RARB: variants seen among roughly 807,000 people sequenced by gnomAD.
RARB encodes HBV-activated protein.
In RARB, 17 loss-of-function variants were observed where a neutral mutation model predicts 51.9. That is an observed-to-expected ratio of 0.33 (90% CI 0.22 to 0.49). The LOEUF (loss-of-function observed/expected upper bound fraction) is 0.49, where lower values mean the gene tolerates loss of function less well. Ranked by LOEUF, RARB falls within the 20% of genes least tolerant of loss-of-function variation. RARB has a pLI of 0.99. For missense variants in RARB, 369 were observed against 550.8 expected (o/e 0.67, Z 3.30); for synonymous variants, 215 against 195.4 (o/e 1.10, Z -0.84).
chr3:25,380,613 A>G (rs1416984027), intron 5 of RARB, among the ~76,000 whole-genome samples: 1 of 152,202 alleles, frequency 6.6e-6, no homozygotes, highest in Non-Finnish European at 1.5e-5. Flanking sequence ...ACAAGCAACC[A>G]GGATTTGAGT....
At position 25,293,597 on chromosome 3, in the gene RARB, TAAA is replaced by T. The variant is rs10713675; in HGVS notation, c.178+119041_178+119043del. The stretch of plus-strand genomic sequence containing the variant: ...TTCCCGAGGCTAGAGTTACTCCATT[TAAA>T]AAAAAAAAAAAAAAAAAAGTTCAGA... On this transcript the variant is annotated intron_variant, in intron 5 of 11. Coordinates refer to the RARB transcript ENST00000383772. 4.6e-3 allele frequency among the ~76,000 whole-genome samples: 315 copies of T among 68,638 alleles called. 6 individuals are homozygous for T. Among genetic ancestry groups the T allele is most frequent in the African/African-American group, 0.012 (292 of 23,944 alleles). The allele number at this position is 68,638 out of a possible 152,430, so 45.0% of individuals were successfully genotyped here. A position where few individuals can be genotyped will look rare whatever the true frequency, so the allele number is the denominator to read the frequency against.
rs115203749 is a variant in RARB, at chr3:24,972,808, T to A, written c.-379-87317T>A. ...AAGTCTTCTTTTGACAGATGTCTAT[T>A]CAGATCTTTTGTCTATTTTTAAATC... On this transcript the variant is annotated intron_variant, in intron 2 of 11. Coordinates refer to the RARB transcript ENST00000383772. Among the ~76,000 whole-genome samples the A allele has an allele frequency of 7.6e-3, 1,152 of 152,204 alleles. 12 individuals carry two copies. The highest frequency in any genetic ancestry group is 0.026 in the African/African-American group (1,077 of 41,544).
chr3:25,432,503 T>C (rs558281878), intron 1 of RARB, among the ~76,000 whole-genome samples: 1 of 152,326 alleles, frequency 6.6e-6, no homozygotes, highest in South Asian at 2.1e-4. Flanking sequence ...CTATTTCTGA[T>C]AGGCTAGCTG....
At chr3:25,545,086 A>G (rs542681187) in intron 3 of RARB, among the ~76,000 whole-genome samples, 7 of 152,082 alleles carry the variant, frequency 4.6e-5, no homozygotes, top group African/African-American at 1.7e-4. Flanking sequence ...CTCAGCCTCC[A>G]AAGTAGCCAC....
intron 2 of RARB, among the ~76,000 whole-genome samples, chr3:24,860,176 T>C (rs1702722358): frequency 6.6e-6 from 1 of 152,172 alleles, no homozygotes; most frequent in Non-Finnish European, 1.5e-5. Flanking sequence ...GGGGTAGGCA[T>C]CATATCTTTA....
At chr3:24,968,634 G>T (rs981645080) in intron 2 of RARB, among the ~76,000 whole-genome samples, 1 of 152,070 alleles carries the variant, frequency 6.6e-6, no homozygotes, top group Non-Finnish European at 1.5e-5. Context: ...GGTATTATGG[G>T]TACATGGATA....
At chr3:24,893,857 A>G (rs1703432414) in intron 2 of RARB, among the ~76,000 whole-genome samples, 1 of 152,036 alleles carries the variant, frequency 6.6e-6, no homozygotes, top group Admixed American at 6.6e-5. Flanking sequence ...AATCATGTGC[A>G]TTTTCTAGGA....
At position 25,033,757 on chromosome 3, in the gene RARB, G is replaced by A. The variant is rs1017810228; in HGVS notation, c.-379-26368G>A. Among the ~76,000 whole-genome samples, 4 of 152,128 alleles carry A rather than the reference G, an allele frequency of 2.6e-5. No individual in the cohort carries two copies. The South Asian group carries it at 8.3e-4, about 32-fold the overall frequency. The stretch of plus-strand genomic sequence containing the variant: ...TAACTACAGCTTGGAACCACACAGG[G>A]AAGGGGATTCTTGGAAACAAATTTC... On this transcript the variant is annotated intron_variant, in intron 2 of 11. Transcript: ENST00000383772.
In RARB at chr3:25,461,259, C is replaced by G. The variant is rs762775186; in HGVS notation, c.224C>G (p.Pro75Arg). 5 of 1,614,096 alleles carry G rather than the reference C, an allele frequency of 3.1e-6. No homozygotes were observed. Among genetic ancestry groups the G allele is most frequent in the South Asian group, 1.1e-5 (1 of 91,076 alleles). The change falls in exon 2 of 8, where the codon CCT becomes CGT. Residue 75 changes from proline to arginine, a missense_variant. Around this residue, in one of 9 missense-constraint regions of RARB, gnomAD observed 99 missense variants for 95.1 expected, o/e 1.04. Coordinates refer to ENST00000330688, the MANE Select transcript of RARB (RefSeq NM_000965.5). ...AGCCCCCCATCTCCACTTCCTCCCC[C>G]TCGAGTGTACAAACCCTGCTTCGTC... ...VPSPPSPLPP[P>R]RVYKPCFVCQ...
intron 3 of RARB, among the ~76,000 whole-genome samples, chr3:25,507,233 T>G (rs976102070): frequency 2.6e-5 from 4 of 152,224 alleles, no homozygotes; most frequent in Admixed American, 6.5e-5. Context: ...AGCATGAAGC[T>G]TTGCTCGGTG....
intron 3 of RARB, among the ~76,000 whole-genome samples, chr3:25,504,678 AAAG>A (rs781206019): frequency 2.0e-5 from 3 of 152,138 alleles, no homozygotes; most frequent in African/African-American, 4.8e-5. Context: ...TGGGAGAAAA[AAAG>A]AAGGATAAAA....
intron 2 of RARB, among the ~76,000 whole-genome samples, chr3:25,058,962 A>T (rs1019272987): frequency 6.6e-6 from 1 of 151,698 alleles, no homozygotes; most frequent in African/African-American, 2.4e-5. Flanking sequence ...TCCAAAAAAA[A>T]TTTTACCCAT....
chr3:25,079,873 C>G (rs1161766642), intron 3 of RARB, among the ~76,000 whole-genome samples: 1 of 152,038 alleles, frequency 6.6e-6, no homozygotes. Flanking sequence ...CAGGATTATC[C>G]TGGCTGTATG....
intron 5 of RARB, among the ~76,000 whole-genome samples, chr3:25,195,964 G>A (rs991905315): frequency 4.0e-5 from 6 of 151,896 alleles, no homozygotes; most frequent in Non-Finnish European, 8.8e-5. Flanking sequence ...ACAAGACTGG[G>A]AGTTTTGTGG....
At chr3:25,004,092 C>G (rs1417788235) in intron 2 of RARB, among the ~76,000 whole-genome samples, 1 of 152,122 alleles carries the variant, frequency 6.6e-6, no homozygotes, top group Admixed American at 6.6e-5. Flanking sequence ...GCTTCACGGA[C>G]TCAAGTTTTC....
chr3:25,113,147 A>G (rs908822873), intron 3 of RARB, among the ~76,000 whole-genome samples: 5 of 151,980 alleles, frequency 3.3e-5, no homozygotes, highest in African/African-American at 1.2e-4. Flanking sequence ...CTCACTGATC[A>G]TTTCCTTGCC....
intron 3 of RARB, among the ~76,000 whole-genome samples, chr3:25,100,091 T>C (rs1699371552): frequency 1.3e-5 from 2 of 152,178 alleles, no homozygotes; most frequent in African/African-American, 4.8e-5. Flanking sequence ...AAAGTGCTCA[T>C]TCATTCATTC....
At chr3:25,012,406 C>G (rs183241603) in intron 2 of RARB, among the ~76,000 whole-genome samples, 4 of 152,230 alleles carry the variant, frequency 2.6e-5, no homozygotes, top group Admixed American at 1.3e-4. Context: ...ATTGGGGCAA[C>G]AGAATGAGTA....
At chr3:24,996,942 T>C (rs1697052535) in intron 2 of RARB, among the ~76,000 whole-genome samples, 1 of 152,194 alleles carries the variant, frequency 6.6e-6, no homozygotes, top group African/African-American at 2.4e-5. Flanking sequence ...AGCTGTTGGG[T>C]GAAATGTTCT....
Sources: gnomAD v4.1 joint callset for allele counts (sites outside exome capture counted in the v4.1 genomes callset) on GRCh38, gnomAD v4.1.1 for gene constraint, gnomAD v4.1.1 regional missense constraint, MANE v1.5 for transcripts, NCBI Gene and HGNC (gene_info 2026-07-23, HGNC 2026-07-21) for gene names.